The following YAP1 variants were observed in gnomAD, a reference collection of about 807,000 sequenced individuals.
YAP1 encodes the protein Yes1 associated transcriptional regulator.
In YAP1, 5 loss-of-function variants were observed where a neutral mutation model predicts 56.9. The observed-to-expected ratio is 0.09, with a 90% CI of 0.05 to 0.18. The LOEUF (loss-of-function observed/expected upper bound fraction) is 0.18. Ranked by LOEUF, YAP1 falls within the 10% of genes least tolerant of loss-of-function variation. The pLI, the probability that YAP1 is intolerant of heterozygous loss-of-function variation, is 1.00. For synonymous variants in YAP1, 265 were observed against 248.1 expected (o/e 1.07, Z -0.64); for missense variants, 539 against 651.8 (o/e 0.83, Z 1.88).
At chr11:102,117,116 T>G (rs7932563) in intron 2 of YAP1, among the ~76,000 whole-genome samples, 67,297 of 151,974 alleles carry the variant, frequency 0.44, 15,024 homozygotes, top group East Asian at 0.62. Flanking sequence ...CAAATGAGAT[T>G]AATATCCTAA....
intron 1 of YAP1, 119 bp from the exon 2 acceptor site, chr11:102,114,025 G>T: frequency 9.7e-7 from 1 of 1,033,486 alleles, no homozygotes; most frequent in Non-Finnish European, 1.3e-6. Context: ...AATATTAAAT[G>T]TTGAAATTTT....
intron 3 of YAP1, among the ~76,000 whole-genome samples, chr11:102,176,254 A>T (rs944837168): frequency 2.0e-5 from 3 of 152,204 alleles, no homozygotes; most frequent in African/African-American, 4.8e-5. Context: ...TTTTCCCTAT[A>T]GTCTAGGGCA....
intron 2 of YAP1, among the ~76,000 whole-genome samples, chr11:102,150,624 T>A (rs1290385075): frequency 6.6e-6 from 1 of 152,082 alleles, no homozygotes; most frequent in African/African-American, 2.4e-5. Flanking sequence ...AGCCCCCACA[T>A]GTCTATAGCA....
At chr11:102,143,132 GT>G (rs1015595028) in intron 2 of YAP1, among the ~76,000 whole-genome samples, 1 of 151,914 alleles carries the variant, frequency 6.6e-6, no homozygotes, top group Admixed American at 6.6e-5. Context: ...CCATTAAAAG[GT>G]TTTTTTTGTT....
intron 8 of YAP1, 66 bp downstream of exon 8, chr11:102,227,647 T>G: frequency 9.8e-7 from 1 of 1,019,088 alleles, no homozygotes; most frequent in Non-Finnish European, 1.5e-6. Flanking sequence ...CCAGGTCTCA[T>G]AAGGTATTGT....
intron 8 of YAP1, among the ~76,000 whole-genome samples, chr11:102,227,895 C>T (rs933432904): frequency 4.6e-5 from 7 of 151,550 alleles, no homozygotes; most frequent in African/African-American, 1.7e-4. Context: ...ATGGTGAAAC[C>T]CCATCTCTAT....
At chr11:102,183,507 G>A (rs1475878066) in intron 3 of YAP1, among the ~76,000 whole-genome samples, 1 of 152,122 alleles carries the variant, frequency 6.6e-6, no homozygotes, top group Non-Finnish European at 1.5e-5. Context: ...AGTTACTGAG[G>A]AAGTGGTCAA....
chr11:102,215,071 G>T (rs750608125), intron 6 of YAP1, among the ~76,000 whole-genome samples: 3 of 152,084 alleles, frequency 2.0e-5, no homozygotes, highest in African/African-American at 4.8e-5. Context: ...TAAAGCATTG[G>T]CTCAGTGTTT....
Position 102,232,648 on chromosome 11 carries a change from G to T in YAP1, c.*2708G>T, listed in dbSNP as rs1591492299. On this transcript the variant is annotated 3_prime_UTR_variant, in exon 9 of 9. Transcript: ENST00000282441. Reference sequence around the variant, plus strand: ...GTTCCTAATGTAAAAGTGCTTAACTGCTTCTTGGTTGTATTGGGTAGCATT... The same window carrying T: ...GTTCCTAATGTAAAAGTGCTTAACTTCTTCTTGGTTGTATTGGGTAGCATT... 6.6e-6 allele frequency: 1 copy of T among 152,580 alleles called. No homozygotes were observed. The highest frequency in any genetic ancestry group is 1.9e-4 in the East Asian group (1 of 5,194). The allele number at this position is 152,580 out of a possible 1,614,324, so 9.5% of individuals were successfully genotyped here.
At chr11:102,198,990 G>A (rs578131259) in intron 4 of YAP1, among the ~76,000 whole-genome samples, 42 of 152,280 alleles carry the variant, frequency 2.8e-4, no homozygotes, top group African/African-American at 8.9e-4. Flanking sequence ...TGATAAAATA[G>A]GAGGAGGGAG....
intron 2 of YAP1, among the ~76,000 whole-genome samples, chr11:102,118,707 C>T (rs1321456306): frequency 6.7e-6 from 1 of 149,246 alleles, no homozygotes; most frequent in Non-Finnish European, 1.5e-5. Context: ...GTTGAGATTG[C>T]ACCACTCCAC....
intron 2 of YAP1, among the ~76,000 whole-genome samples, chr11:102,130,192 C>T (rs927140147): frequency 6.6e-6 from 1 of 151,934 alleles, no homozygotes. Flanking sequence ...CAATATTTTT[C>T]TGAGTCAAAA....
chr11:102,223,201 T>C (rs1164831103), intron 6 of YAP1, among the ~76,000 whole-genome samples: 1 of 150,138 alleles, frequency 6.7e-6, no homozygotes, highest in Non-Finnish European at 1.5e-5. Context: ...TGAGCCAAGA[T>C]TGCACCACTG....
intron 2 of YAP1, among the ~76,000 whole-genome samples, chr11:102,161,255 G>C (rs1306105352): frequency 6.7e-6 from 1 of 150,176 alleles, no homozygotes; most frequent in Non-Finnish European, 1.5e-5. Flanking sequence ...GTAGAGATGG[G>C]GTTTCACCGT....
intron 3 of YAP1, among the ~76,000 whole-genome samples, chr11:102,163,503 G>T (rs1427648852): frequency 6.6e-6 from 1 of 152,106 alleles, no homozygotes; most frequent in East Asian, 1.9e-4. Context: ...TGGAGCATTT[G>T]GGCTGGATTT....
chr11:102,143,050 G>A (rs998482755), intron 2 of YAP1, among the ~76,000 whole-genome samples: 2 of 152,110 alleles, frequency 1.3e-5, no homozygotes, highest in African/African-American at 4.8e-5. Context: ...ACTTAAACAG[G>A]TTCACCCGTC....
intron 2 of YAP1, among the ~76,000 whole-genome samples, chr11:102,157,147 C>A (rs1490487625): frequency 6.6e-6 from 1 of 152,124 alleles, no homozygotes; most frequent in Non-Finnish European, 1.5e-5. Flanking sequence ...ATTCTGATAT[C>A]CTGTAGTGCA....
At chr11:102,131,770 C>A (rs527447798) in intron 2 of YAP1, among the ~76,000 whole-genome samples, 1 of 152,064 alleles carries the variant, frequency 6.6e-6, no homozygotes, top group South Asian at 2.1e-4. Context: ...TAAGCTTTAA[C>A]AGGAACTATT....
intron 1 of YAP1, among the ~76,000 whole-genome samples, chr11:102,113,535 GT>G (rs1223615889): frequency 6.6e-6 from 1 of 152,114 alleles, no homozygotes; most frequent in Non-Finnish European, 1.5e-5. Flanking sequence ...ATATAGTTGG[GT>G]TTTTTTCATC....
Sources: gnomAD v4.1 joint callset for allele counts (sites outside exome capture counted in the v4.1 genomes callset) on GRCh38, gnomAD v4.1.1 for gene constraint, MANE v1.5 for transcripts, NCBI Gene and HGNC (gene_info 2026-07-23, HGNC 2026-07-21) for gene names.